Variants in OARD1 observed in about 807,000 individuals in gnomAD.
OARD1 encodes ADP-ribose glycohydrolase OARD1.
A neutral mutation model predicts 19.7 loss-of-function variants in OARD1; 19 were observed. The observed-to-expected ratio is 0.96, with a 90% CI of 0.67 to 1.41. The LOEUF (loss-of-function observed/expected upper bound fraction) is 1.41, where lower values mean the gene tolerates loss of function less well. Among genes scored for constraint, OARD1 ranks in the 40% most tolerant of loss-of-function variants. OARD1 has a pLI of 0.00. For missense variants in OARD1, 190 were observed against 183.8 expected, an observed-to-expected ratio of 1.03 and a Z score of -0.20; for synonymous variants, 70 against 61.8, an observed-to-expected ratio of 1.13 and a Z score of -0.62.
chr6:41,094,265 C>CT, intron 1 of OARD1: 1 of 694,576 alleles, frequency 1.4e-6, no homozygotes, highest in Non-Finnish European at 2.5e-6. Context: ...CATCGTCATT[C>CT]TAAGTCATAA....
Position 41,066,912 on chromosome 6 carries a change from A to G in OARD1, c.*423T>C, listed in dbSNP as rs936878165. On this transcript the variant is annotated 3_prime_UTR_variant, in exon 6 of 6. Coordinates refer to ENST00000424266, the MANE Select transcript of OARD1 (RefSeq NM_001329686.2). ...CTAGGAGGAATCTGATGACATAAGG[A>G]TAACACCAAGTTATGTGCACAAACG... 6.5e-6 allele frequency: 1 copy of G among 152,960 alleles called. No homozygotes were observed. Among genetic ancestry groups the G allele is most frequent in the East Asian group, 1.9e-4 (1 of 5,230 alleles). The allele number at this position is 152,960 out of a possible 1,614,324, so 9.5% of individuals were successfully genotyped here. A position where few individuals can be genotyped will look rare whatever the true frequency, so the allele number is the denominator to read the frequency against.
At chr6:41,070,186 T>C in intron 3 of OARD1, 52 bp from the exon 4 acceptor site, 1 of 953,200 alleles carries the variant, frequency 1.0e-6, no homozygotes, top group East Asian at 2.4e-5. Context: ...CAAACACTGA[T>C]CTCTAAAGAT....
chr6:41,088,107 A>C (rs969526340), intron 1 of OARD1, among the ~76,000 whole-genome samples: 1 of 152,186 alleles, frequency 6.6e-6, no homozygotes, highest in Non-Finnish European at 1.5e-5. Flanking sequence ...AAATTATCCT[A>C]GAAGTTAGCA....
chr6:41,067,312 A>G lies in OARD1; in HGVS notation c.*23T>C. 1 of 1,512,964 alleles carries G rather than the reference A, an allele frequency of 6.6e-7. No homozygotes were observed. Among genetic ancestry groups the G allele is most frequent in the Non-Finnish European group, 9.2e-7 (1 of 1,089,538 alleles). 93.7% of individuals were successfully genotyped at this position (1,512,964 alleles called of 1,614,324 possible). A position where few individuals can be genotyped will look rare whatever the true frequency, so the allele number is the denominator to read the frequency against. ...GTAGAGATGACACAGGAGAACACGG[A>G]AACATCCAAAATGTTCACTGGTTCA... On this transcript the variant is annotated 3_prime_UTR_variant, in exon 6 of 6. Coordinates refer to ENST00000424266, the MANE Select transcript of OARD1 (RefSeq NM_001329686.2).
chr6:41,071,787 TGTGA>T (rs1430165686), intron 1 of OARD1, 112 bp from the exon 2 acceptor site: 2 of 647,920 alleles, frequency 3.1e-6, no homozygotes, highest in African/African-American at 1.8e-5. Context: ...TATCGATGAA[TGTGA>T]GTTTGTTCGG....
chr6:41,073,568 C>T (rs1442438930), upstream of OARD1, among the ~76,000 whole-genome samples: 2 of 151,928 alleles, frequency 1.3e-5, no homozygotes, highest in African/African-American at 4.8e-5. Flanking sequence ...CCGCGCCCCC[C>T]GCTCCCCGCT....
At chr6:41,095,745 G>T (rs1392535693) in intron 1 of OARD1, among the ~76,000 whole-genome samples, 1 of 152,120 alleles carries the variant, frequency 6.6e-6, no homozygotes, top group Non-Finnish European at 1.5e-5. Context: ...TCTTTACAGT[G>T]TAATAATATT....
chr6:41,092,770 C>T, intron 1 of OARD1: 1 of 703,968 alleles, frequency 1.4e-6, no homozygotes, highest in Non-Finnish European at 2.3e-6. Flanking sequence ...TAAATTTCTC[C>T]AGGGATCCGC....
chr6:41,080,981 G>A, intron 1 of OARD1: 1 of 1,099,800 alleles, frequency 9.1e-7, no homozygotes, highest in South Asian at 1.3e-5. Flanking sequence ...AGGATCTCCA[G>A]TAGGAATGGC....
At chr6:41,074,744 T>A (rs558555570), upstream of OARD1, among the ~76,000 whole-genome samples, 9 of 152,250 alleles carry the variant, frequency 5.9e-5, no homozygotes, top group Admixed American at 5.2e-4. Context: ...TGTATGGAGG[T>A]TCAAGTAGAA....
At chr6:41,097,665 A>G (rs1389985959) in intron 1 of OARD1, 2 of 419,420 alleles carry the variant, frequency 4.8e-6, no homozygotes, top group South Asian at 2.9e-5. Context: ...ATGGATTCGG[A>G]TGATGCAAGG....
chr6:41,080,901 G>A (rs756996854), intron 1 of OARD1: 1 of 1,612,358 alleles, frequency 6.2e-7, no homozygotes, highest in South Asian at 1.1e-5. Flanking sequence ...CCAGGTAGTG[G>A]TACCCTCTCT....
upstream of OARD1, among the ~76,000 whole-genome samples, chr6:41,076,751 G>C (rs374210845): frequency 1.3e-5 from 2 of 152,194 alleles, no homozygotes; most frequent in East Asian, 1.9e-4. Context: ...GGCTTAGTTT[G>C]TCATAATCTT....
At chr6:41,076,708 G>C (rs913351290), upstream of OARD1, among the ~76,000 whole-genome samples, 1 of 152,168 alleles carries the variant, frequency 6.6e-6, no homozygotes, top group Non-Finnish European at 1.5e-5. Context: ...TCAAAACTTT[G>C]TGTTAAGAGC....
chr6:41,073,614 C>G (rs934103624), upstream of OARD1, among the ~76,000 whole-genome samples: 4 of 152,108 alleles, frequency 2.6e-5, no homozygotes, highest in Non-Finnish European at 4.4e-5. Context: ...TGCAGCCCCT[C>G]TAGGTCGGGA....
At chr6:41,096,589 A>G (rs926902370) in intron 1 of OARD1, among the ~76,000 whole-genome samples, 6 of 152,236 alleles carry the variant, frequency 3.9e-5, no homozygotes, top group African/African-American at 1.4e-4. Flanking sequence ...CTCATTGTTC[A>G]AGACCCAGTT....
intron 1 of OARD1, among the ~76,000 whole-genome samples, chr6:41,085,818 A>C (rs1407234083): frequency 1.3e-5 from 2 of 151,990 alleles, no homozygotes; most frequent in Non-Finnish European, 2.9e-5. Context: ...TAATTTATAA[A>C]ATATAGTTAA....
intron 1 of OARD1, chr6:41,089,810 G>GA: frequency 6.8e-7 from 1 of 1,468,316 alleles, no homozygotes; most frequent in Non-Finnish European, 9.1e-7. Context: ...TAGAAAAGGG[G>GA]ATGAAAACCA....
Position 41,068,880 on chromosome 6 carries a change from T to C in OARD1, c.317A>G (p.His106Arg), listed in dbSNP as rs1481412312. ...LQKSLEAMKS[H>R]CLKNGVTDLS... ...GTCAGTGACTCCATTCTTCAGACAATGAGACTTCATTGCCTCTAAACTCTT... is the reference window on the plus strand; with the variant it reads ...GTCAGTGACTCCATTCTTCAGACAACGAGACTTCATTGCCTCTAAACTCTT... Residue 106 changes from histidine to arginine, a missense_variant, in exon 5 of 6, where the codon CAT becomes CGT. By Grantham distance (29) the His-to-Arg change is conservative (BLOSUM62 0). Transcript: ENST00000424266. The C allele has an allele frequency of 6.2e-7, 1 of 1,609,556 alleles. No homozygotes were observed. The highest frequency in any genetic ancestry group is 8.5e-7 in the Non-Finnish European group (1 of 1,177,364).
Sources: allele counts gnomAD v4.1 joint callset (sites outside exome capture counted in the v4.1 genomes callset), GRCh38; gene constraint gnomAD v4.1.1; transcripts MANE v1.5; gene names NCBI Gene and HGNC (gene_info 2026-07-23, HGNC 2026-07-21).